INPP5F: variants seen among roughly 807,000 people sequenced by gnomAD.
INPP5F encodes the protein phosphatidylinositide 4-phosphatase SAC2.
In INPP5F, 97 loss-of-function variants were observed where a neutral mutation model predicts 137.2. The ratio of observed to expected loss-of-function variants is 0.71; its 90% confidence interval spans 0.60 to 0.84. INPP5F has a LOEUF of 0.84. INPP5F is among the 40% of genes least tolerant of loss of function. INPP5F has a pLI of 0.00. For synonymous variants in INPP5F, 504 were observed against 476.9 expected (o/e 1.06, Z -0.74); for missense variants, 1,271 against 1,371.9 (o/e 0.93, Z 1.16).
chr10:119,732,040 T>G (rs1018669099), intron 1 of INPP5F, among the ~76,000 whole-genome samples: 6 of 141,742 alleles, frequency 4.2e-5, no homozygotes, highest in Non-Finnish European at 6.3e-5. Context: ...CAAGTGGTTT[T>G]TTTTTTTTTT....
intron 6 of INPP5F, among the ~76,000 whole-genome samples, chr10:119,795,030 A>AC (rs1444660024): frequency 1.3e-4 from 11 of 85,762 alleles, no homozygotes; most frequent in South Asian, 4.5e-4. Context: ...CGGGGGGCTG[A>AC]CCCCCCCACC....
chr10:119,745,013 C>T (rs1848490333), intron 1 of INPP5F, among the ~76,000 whole-genome samples: 1 of 150,458 alleles, frequency 6.6e-6, no homozygotes, highest in African/African-American at 2.4e-5. Context: ...TTTTTTAAGT[C>T]GAAATCTTAT....
rs1289549415 is a variant in INPP5F, at chr10:119,827,705, AATC to A, written c.3327_3329del (p.Ile1110del). ...TTCAGAAGAGTCCTCCAGAACCTGA[AATC>A]ATTAATCAAGTCCAGCAAAATGAAC... On this transcript the variant is annotated inframe_deletion, in exon 20 of 20. Transcript: ENST00000650623. 2 of 1,613,888 alleles carry A rather than the reference AATC, an allele frequency of 1.2e-6. No homozygotes were observed. The highest frequency in any genetic ancestry group is 3.3e-5 in the Admixed American group (2 of 60,028).
Position 119,826,796 on chromosome 10 carries a change from C to CT in INPP5F, c.2418dup (p.Thr807TyrfsTer4), listed in dbSNP as rs766615960. ...TTGGCAACCTCCGAAAGCTAGGAAA[C>CT]TTTACCAAACCTGAAATGAAAGTTA... is the stretch of plus-strand genomic sequence containing the variant. On this transcript the variant is annotated frameshift_variant, in exon 20 of 20. Coordinates refer to ENST00000650623, the MANE Select transcript of INPP5F (RefSeq NM_014937.4). LOFTEE classifies it high-confidence loss of function. The CT allele has an allele frequency of 2.5e-6, 4 of 1,613,784 alleles. No individual in the cohort carries two copies. Among genetic ancestry groups the CT allele is most frequent in the Non-Finnish European group, 3.4e-6 (4 of 1,179,944 alleles).
chr10:119,729,140 A>AG (rs1212364302), intron 1 of INPP5F, among the ~76,000 whole-genome samples: 1 of 136,528 alleles, frequency 7.3e-6, no homozygotes. Flanking sequence ...TTTTTGGGGG[A>AG]GGGGGAAAGG....
At chr10:119,806,265 GTGC>G in intron 11 of INPP5F, 92 bp from the exon 12 acceptor site, 1 of 826,800 alleles carries the variant, frequency 1.2e-6, no homozygotes, top group Non-Finnish European at 1.8e-6. Flanking sequence ...ATTACAGCCA[GTGC>G]TGCTGTTTTA....
At chr10:119,798,743 G>T in intron 9 of INPP5F, 133 bp downstream of exon 9, 1 of 314,582 alleles carries the variant, frequency 3.2e-6, no homozygotes, top group Non-Finnish European at 5.7e-6. Context: ...TTTAAGCTAA[G>T]AGTTTTCTTA....
chr10:119,802,071 C>T (rs896419365), intron 9 of INPP5F, among the ~76,000 whole-genome samples: 1 of 152,174 alleles, frequency 6.6e-6, no homozygotes, highest in Admixed American at 6.5e-5. Context: ...TTGGTTCAGG[C>T]ACGGACCTGT....
chr10:119,781,551 T>C, intron 2 of INPP5F, 84 bp from the exon 3 acceptor site: 1 of 1,177,294 alleles, frequency 8.5e-7, no homozygotes, highest in Non-Finnish European at 1.1e-6. Context: ...TTTTTTGTTA[T>C]CATTGTTAGG....
chr10:119,728,938 G>A (rs1029434260), intron 1 of INPP5F, among the ~76,000 whole-genome samples: 1 of 152,158 alleles, frequency 6.6e-6, no homozygotes, highest in African/African-American at 2.4e-5. Context: ...GGAAGTCCCA[G>A]TGTGTTCCCC....
At chr10:119,754,543 A>G (rs1218482949) in intron 2 of INPP5F, among the ~76,000 whole-genome samples, 1 of 152,192 alleles carries the variant, frequency 6.6e-6, no homozygotes, top group East Asian at 1.9e-4. Context: ...TAAAAAAGGA[A>G]AAAAGGGCAG....
chr10:119,751,818 A>C (rs1564808259), intron 2 of INPP5F, among the ~76,000 whole-genome samples: 1 of 152,066 alleles, frequency 6.6e-6, no homozygotes, highest in Non-Finnish European at 1.5e-5. Context: ...AAAATTAGAG[A>C]TGGGTTCTTG....
chr10:119,766,318 G>A (rs1405111760), intron 2 of INPP5F, among the ~76,000 whole-genome samples: 3 of 152,098 alleles, frequency 2.0e-5, no homozygotes, highest in Non-Finnish European at 4.4e-5. Flanking sequence ...TGTTTTACTA[G>A]CAATCTGGGC....
intron 6 of INPP5F, among the ~76,000 whole-genome samples, chr10:119,794,265 C>T (rs1850246979): frequency 6.6e-6 from 1 of 152,110 alleles, no homozygotes; most frequent in African/African-American, 2.4e-5. Context: ...CAAAGCACAT[C>T]TTGCACCGCC....
chr10:119,779,612 G>C (rs1849638684), intron 2 of INPP5F, among the ~76,000 whole-genome samples: 1 of 151,792 alleles, frequency 6.6e-6, no homozygotes, highest in African/African-American at 2.4e-5. Context: ...TAGAAACGAG[G>C]TCTCCATATG....
chr10:119,820,737 C>G, intron 15 of INPP5F, 109 bp from the exon 16 acceptor site: 1 of 773,076 alleles, frequency 1.3e-6, no homozygotes, highest in Non-Finnish European at 2.3e-6. Flanking sequence ...CTTCTTTTCC[C>G]TCCCCCTGGC....
At chr10:119,811,728 G>A (rs1415887445) in intron 14 of INPP5F, 29 bp from the exon 15 acceptor site, 1 of 1,538,982 alleles carries the variant, frequency 6.5e-7, no homozygotes, top group East Asian at 2.2e-5. Context: ...AAACTAAAAT[G>A]ATGATAGATA....
At chr10:119,781,560 G>T in intron 2 of INPP5F, 75 bp from the exon 3 acceptor site, 3 of 1,286,034 alleles carry the variant, frequency 2.3e-6, no homozygotes, top group South Asian at 1.9e-5. Flanking sequence ...ATCATTGTTA[G>T]GTTATTCACC....
chr10:119,824,281 C>T (rs1027891032), intron 19 of INPP5F, among the ~76,000 whole-genome samples: 19 of 152,296 alleles, frequency 1.2e-4, no homozygotes, highest in African/African-American at 4.6e-4. Context: ...TTTTCTGTTC[C>T]AGGATCCAGT....
Sources: gnomAD v4.1 joint callset for allele counts (sites outside exome capture counted in the v4.1 genomes callset) on GRCh38, gnomAD v4.1.1 for gene constraint, MANE v1.5 for transcripts, NCBI Gene and HGNC (gene_info 2026-07-23, HGNC 2026-07-21) for gene names.